Variants in FILIP1 observed in about 807,000 individuals in gnomAD.
FILIP1 encodes the protein filamin-A-interacting protein 1.
A neutral mutation model predicts 102.1 loss-of-function variants in FILIP1; 61 were observed. That is an observed-to-expected ratio of 0.60 (90% confidence interval 0.49 to 0.74). The LOEUF (loss-of-function observed/expected upper bound fraction) is 0.74. Among genes scored for constraint, FILIP1 ranks in the 30% least tolerant of loss-of-function variants. FILIP1 has a pLI of 0.00. For missense variants in FILIP1, 1,314 were observed against 1,441.2 expected (o/e 0.91, Z 1.43); for synonymous variants, 491 against 526.9 (o/e 0.93, Z 0.93).
chr6:75,404,116 A>G (rs1412225743), intron 2 of FILIP1, among the ~76,000 whole-genome samples: 1 of 152,152 alleles, frequency 6.6e-6, no homozygotes, highest in Admixed American at 6.5e-5. Flanking sequence ...ATGCATCTAT[A>G]GTCCTAGGCA....
At chr6:75,375,762 A>G (rs1582414330) in intron 2 of FILIP1, among the ~76,000 whole-genome samples, 1 of 152,236 alleles carries the variant, frequency 6.6e-6, no homozygotes, top group Non-Finnish European at 1.5e-5. Flanking sequence ...ATCACATAAC[A>G]TTGAATTTCT....
chr6:75,450,116 A>AT (rs1339067947), intron 1 of FILIP1, among the ~76,000 whole-genome samples: 1 of 151,748 alleles, frequency 6.6e-6, no homozygotes, highest in Non-Finnish European at 1.5e-5. Flanking sequence ...CTTTTTAAAA[A>AT]TTTTTTTTGG....
intron 1 of FILIP1, among the ~76,000 whole-genome samples, chr6:75,443,467 A>G (rs552474042): frequency 6.6e-6 from 1 of 152,356 alleles, no homozygotes; most frequent in Admixed American, 6.5e-5. Flanking sequence ...AAAAATGGAT[A>G]TATCCCTGAC....
chr6:75,358,583 A>G (rs934524424), intron 3 of FILIP1: 1 of 152,206 alleles, frequency 6.6e-6, no homozygotes, highest in Non-Finnish European at 1.5e-5. Flanking sequence ...AAGTGGTTAT[A>G]TAAAATATGA....
At chr6:75,390,453 A>C (rs1432623903) in intron 2 of FILIP1, among the ~76,000 whole-genome samples, 1 of 152,150 alleles carries the variant, frequency 6.6e-6, no homozygotes, top group East Asian at 1.9e-4. Context: ...GCTGTATAGG[A>C]AGCATGGTGG....
intron 1 of FILIP1, among the ~76,000 whole-genome samples, chr6:75,491,868 T>A (rs1156865579): frequency 1.3e-5 from 2 of 152,198 alleles, no homozygotes; most frequent in African/African-American, 2.4e-5. Flanking sequence ...TGCACTTAGT[T>A]ATCGCCACAC....
chr6:75,441,740 G>A (rs1423799057), intron 1 of FILIP1, among the ~76,000 whole-genome samples: 1 of 143,388 alleles, frequency 7.0e-6, no homozygotes, highest in African/African-American at 2.6e-5. Context: ...CGGACGGGGC[G>A]GCTGGCCGGG....
intron 1 of FILIP1, among the ~76,000 whole-genome samples, chr6:75,433,231 T>G (rs1777889423): frequency 6.6e-6 from 1 of 152,238 alleles, no homozygotes; most frequent in Admixed American, 6.5e-5. Flanking sequence ...TTTCTAGTTC[T>G]AGATCCTTGA....
At chr6:75,476,773 T>C (rs941643464) in intron 1 of FILIP1, among the ~76,000 whole-genome samples, 1 of 152,156 alleles carries the variant, frequency 6.6e-6, no homozygotes, top group African/African-American at 2.4e-5. Flanking sequence ...TTTCTGAGCA[T>C]AGTAGACACT....
chr6:75,407,495 G>T (rs1463211672), intron 2 of FILIP1, among the ~76,000 whole-genome samples: 1 of 152,102 alleles, frequency 6.6e-6, no homozygotes, highest in Non-Finnish European at 1.5e-5. Context: ...CATAGTGCTG[G>T]GATTACAGGC....
chr6:75,431,142 C>T (rs1248514850), intron 1 of FILIP1, among the ~76,000 whole-genome samples: 4 of 152,104 alleles, frequency 2.6e-5, no homozygotes, highest in Non-Finnish European at 5.9e-5. Context: ...TGGCGGTAGC[C>T]ATGGTAACTA....
rs1187324004 is a variant in FILIP1, at chr6:75,308,293, A to C, written c.*398T>G. On this transcript the variant is annotated 3_prime_UTR_variant, in exon 6 of 6. Transcript: ENST00000237172. ...TCTTATTTTGTAATAGGATTTTTTTAATAAAAAATTATTGTGGAACAAGGT... is the reference window on the plus strand; with the variant it reads ...TCTTATTTTGTAATAGGATTTTTTTCATAAAAAATTATTGTGGAACAAGGT... The C allele has an allele frequency of 2.0e-6, 2 of 992,010 alleles. No homozygotes were observed. The highest frequency in any genetic ancestry group is 2.4e-6 in the Non-Finnish European group (2 of 832,816). 61.5% of individuals were successfully genotyped at this position (992,010 alleles called of 1,614,324 possible).
chr6:75,295,770 T>TA (rs557228127), exon 7 of FILIP1: 732 of 469,770 alleles, frequency 1.6e-3, no homozygotes, highest in Middle Eastern at 3.7e-3. Context: ...ATTATATCCT[T>TA]AAAAAAAAAT....
rs535318005 is a variant in FILIP1 at position 75,308,916 on chromosome 6, G to A, written c.3436-19C>T. ...GTCCTGACTGTAAGAGAGAAAATAC[G>A]TAGATACAAGGGAGATGTTGGTGAG... On this transcript the variant is annotated intron_variant, in intron 5 of 5. Coordinates refer to ENST00000237172, the MANE Select transcript of FILIP1 (RefSeq NM_015687.5). 24 of 1,613,040 alleles carry A rather than the reference G, an allele frequency of 1.5e-5. No individual in the cohort carries two copies. Among genetic ancestry groups the A allele is most frequent in the South Asian group, 8.8e-5 (8 of 91,026 alleles).
At chr6:75,415,039 C>A in intron 1 of FILIP1, 61 bp from the exon 2 acceptor site, 1 of 1,493,028 alleles carries the variant, frequency 6.7e-7, no homozygotes, top group South Asian at 1.3e-5. Flanking sequence ...TTATTTTTGC[C>A]TAAATACTTA....
At chr6:75,490,709 C>T (rs1442728577) in intron 1 of FILIP1, among the ~76,000 whole-genome samples, 1 of 151,462 alleles carries the variant, frequency 6.6e-6, no homozygotes, top group Non-Finnish European at 1.5e-5. Context: ...GTCATATTTC[C>T]CCTTTCTATT....
At chr6:75,487,960 A>T (rs1779840598) in intron 1 of FILIP1, among the ~76,000 whole-genome samples, 2 of 152,052 alleles carry the variant, frequency 1.3e-5, no homozygotes, top group Non-Finnish European at 2.9e-5. Flanking sequence ...AGCAAATAAA[A>T]ACAGAAAAAA....
At chr6:75,465,784 A>G (rs1420760637) in intron 1 of FILIP1, among the ~76,000 whole-genome samples, 1 of 152,200 alleles carries the variant, frequency 6.6e-6, no homozygotes, top group Non-Finnish European at 1.5e-5. Context: ...ATAAAACCAA[A>G]AAACCCAAAA....
At chr6:75,348,077 A>G (rs1324967569) in intron 4 of FILIP1, among the ~76,000 whole-genome samples, 2 of 151,784 alleles carry the variant, frequency 1.3e-5, no homozygotes, top group Non-Finnish European at 2.9e-5. Flanking sequence ...ACACACACAC[A>G]CACACACACA....
Sources: allele counts gnomAD v4.1 joint callset (sites outside exome capture counted in the v4.1 genomes callset), GRCh38; gene constraint gnomAD v4.1.1; transcripts MANE v1.5; gene names NCBI Gene and HGNC (gene_info 2026-07-23, HGNC 2026-07-21).